The following SDC2 variants were observed in gnomAD, a reference collection of about 807,000 sequenced individuals.
SDC2 encodes syndecan-2.
In SDC2, 13 loss-of-function variants were observed where a neutral mutation model predicts 22.2. The observed-to-expected ratio is 0.59, with a 90% CI of 0.38 to 0.93. The LOEUF (loss-of-function observed/expected upper bound fraction) is 0.93. Ranked by LOEUF, SDC2 falls within the 40% of genes least tolerant of loss-of-function variation. The pLI, the probability that SDC2 is intolerant of heterozygous loss-of-function variation, is 0.00. For missense variants in SDC2, 235 were observed against 246.8 expected (o/e 0.95, Z 0.32); for synonymous variants, 94 against 92.8 (o/e 1.01, Z -0.07).
chr8:96,526,873 T>C (rs1813586765), intron 1 of SDC2, among the ~76,000 whole-genome samples: 1 of 152,152 alleles, frequency 6.6e-6, no homozygotes, highest in African/African-American at 2.4e-5. Flanking sequence ...GGCTCGGACC[T>C]GCAGGGGAGT....
At chr8:96,584,345 C>G (rs1312217743) in intron 1 of SDC2, among the ~76,000 whole-genome samples, 2 of 152,174 alleles carry the variant, frequency 1.3e-5, no homozygotes, top group Admixed American at 6.5e-5. Context: ...TCTGTCAGCC[C>G]TTGTATAGGG....
intron 1 of SDC2, among the ~76,000 whole-genome samples, chr8:96,523,176 A>G (rs1813523943): frequency 1.3e-5 from 2 of 152,196 alleles, no homozygotes; most frequent in Admixed American, 1.3e-4. Context: ...CAAAAAATGC[A>G]TACAGTGGAT....
chr8:96,576,364 G>GTTTTTTTTTTTTTTTTTT (rs1291289471), intron 1 of SDC2, among the ~76,000 whole-genome samples: 1 of 19,178 alleles, frequency 5.2e-5, no homozygotes, highest in African/African-American at 1.4e-4. Flanking sequence ...ATAATTGGTA[G>GTTTTTTTTTTTTTTTTTT]TTTGTTTTTG....
rs564688083 is a variant in SDC2, at chr8:96,593,286, AT to A, written c.61-192del. Among the ~76,000 whole-genome samples, 97 of 152,298 alleles carry A rather than the reference AT, an allele frequency of 6.4e-4. 2 individuals are homozygous for A. The highest frequency in any genetic ancestry group is 3.9e-3 in the Admixed American group (59 of 15,296). On this transcript the variant is annotated intron_variant, in intron 1 of 4. Transcript: ENST00000302190. The stretch of plus-strand genomic sequence containing the variant: ...GCTGTGTAGGCTTCCCTTGCAGGTT[AT>A]TAGTCCGTGCTCACCTCTCAAATTG...
chr8:96,537,404 T>C (rs930908405), intron 1 of SDC2: 1 of 152,200 alleles, frequency 6.6e-6, no homozygotes, highest in African/African-American at 2.4e-5. Flanking sequence ...GCCTGAAGTT[T>C]ACAGCATCTC....
At chr8:96,598,667 A>C (rs769970368) in intron 2 of SDC2, among the ~76,000 whole-genome samples, 1 of 152,072 alleles carries the variant, frequency 6.6e-6, no homozygotes, top group Non-Finnish European at 1.5e-5. Context: ...GCATGGGAAC[A>C]TAGAGACAGA....
intron 1 of SDC2, among the ~76,000 whole-genome samples, chr8:96,504,542 C>T (rs1208302277): frequency 6.6e-6 from 1 of 152,130 alleles, no homozygotes; most frequent in African/African-American, 2.4e-5. Context: ...GAATATTTTG[C>T]TTTTTGGTTA....
chr8:96,502,371 C>T (rs1813179460), intron 1 of SDC2, among the ~76,000 whole-genome samples: 1 of 152,192 alleles, frequency 6.6e-6, no homozygotes, highest in South Asian at 2.1e-4. Context: ...TGGGTGAACA[C>T]ACAGCCAAAC....
chr8:96,519,127 C>T (rs563204943), intron 1 of SDC2, among the ~76,000 whole-genome samples: 1 of 152,266 alleles, frequency 6.6e-6, no homozygotes, highest in African/African-American at 2.4e-5. Flanking sequence ...CATCCCTCTG[C>T]GGTGGGAGGA....
At chr8:96,524,065 CTAAG>C (rs1348773740) in intron 1 of SDC2, among the ~76,000 whole-genome samples, 4 of 152,170 alleles carry the variant, frequency 2.6e-5, no homozygotes, top group Non-Finnish European at 5.9e-5. Flanking sequence ...AGACAGTGAG[CTAAG>C]AAGTAGGGCA....
At chr8:96,494,418 T>C in intron 1 of SDC2, 87 bp downstream of exon 1, 2 of 1,327,964 alleles carry the variant, frequency 1.5e-6, no homozygotes, top group Non-Finnish European at 2.0e-6. Context: ...GAGCGCCACC[T>C]GGGGAACCCC....
intron 1 of SDC2, among the ~76,000 whole-genome samples, chr8:96,573,627 A>G (rs1055910898): frequency 6.6e-6 from 1 of 151,960 alleles, no homozygotes; most frequent in African/African-American, 2.4e-5. Flanking sequence ...TGTAGATTTT[A>G]CTTACTTTAA....
intron 1 of SDC2, among the ~76,000 whole-genome samples, chr8:96,501,305 T>C (rs1370742232): frequency 2.3e-5 from 3 of 129,762 alleles, no homozygotes; most frequent in East Asian, 2.1e-4. Flanking sequence ...CTTTTTTTTT[T>C]TTTTTTTTTT....
At chr8:96,602,279 C>G (rs1815000867) in intron 2 of SDC2, 116 bp from the exon 3 acceptor site, 1 of 1,074,868 alleles carries the variant, frequency 9.3e-7, no homozygotes, top group Non-Finnish European at 1.4e-6. Context: ...TCTTAAAGAG[C>G]CAGCATTTTG....
rs760380434 is a variant in SDC2 at position 96,593,595 on chromosome 8, A to C, written c.172+4A>C. ...TACGCTTCTGCGTCTGGCTCGGGTA[A>C]GGTGGCTGCTTCTAAACACTGGACC... On this transcript the variant is annotated splice_donor_region_variant and intron_variant, in intron 2 of 4. Coordinates refer to ENST00000302190, the MANE Select transcript of SDC2 (RefSeq NM_002998.4). 6.3e-7 allele frequency: 1 copy of C among 1,588,506 alleles called. No individual in the cohort carries two copies. The highest frequency in any genetic ancestry group is 1.7e-5 in the Admixed American group (1 of 59,998).
intron 1 of SDC2, among the ~76,000 whole-genome samples, chr8:96,498,675 G>C (rs1185723444): frequency 1.3e-5 from 2 of 152,094 alleles, no homozygotes; most frequent in Non-Finnish European, 2.9e-5. Flanking sequence ...ATTTTTAGTA[G>C]GGATGGGGTT....
chr8:96,495,794 C>A (rs1376128225), intron 1 of SDC2, among the ~76,000 whole-genome samples: 1 of 152,046 alleles, frequency 6.6e-6, no homozygotes, highest in Non-Finnish European at 1.5e-5. Flanking sequence ...CCCATACGTT[C>A]TTTGTGGTTG....
intron 3 of SDC2, among the ~76,000 whole-genome samples, chr8:96,606,868 G>A (rs1815089137): frequency 1.3e-5 from 2 of 152,144 alleles, no homozygotes; most frequent in Non-Finnish European, 2.9e-5. Context: ...ATTTGGACTG[G>A]GGATAGAACT....
chr8:96,508,585 G>A (rs1813285172), intron 1 of SDC2, among the ~76,000 whole-genome samples: 1 of 141,344 alleles, frequency 7.1e-6, no homozygotes, highest in Admixed American at 7.0e-5. Context: ...AAGTCTGTGA[G>A]ATATTTTTAA....
Sources: gnomAD v4.1 joint callset for allele counts (sites outside exome capture counted in the v4.1 genomes callset) on GRCh38, gnomAD v4.1.1 for gene constraint, MANE v1.5 for transcripts, NCBI Gene and HGNC (gene_info 2026-07-23, HGNC 2026-07-21) for gene names.